The following WDR36 variants were observed in gnomAD, a reference collection of about 807,000 sequenced individuals.
WDR36 encodes WD repeat-containing protein 36.
WDR36 carries 63 observed loss-of-function variants against 112.7 expected under a neutral mutation model. The ratio of observed to expected loss-of-function variants is 0.56; its 90% CI spans 0.46 to 0.69. The LOEUF (loss-of-function observed/expected upper bound fraction) is 0.69. WDR36 is among the 30% of genes least tolerant of loss of function. The pLI, the probability that WDR36 is intolerant of heterozygous loss-of-function variation, is 0.00. For missense variants in WDR36, 1,226 were observed against 1,070.3 expected, an observed-to-expected ratio of 1.15 and a Z score of -2.03; for synonymous variants, 410 against 362.2, an observed-to-expected ratio of 1.13 and a Z score of -1.50.
At chr5:111,096,576 C>T (rs916968496) in intron 2 of WDR36, among the ~76,000 whole-genome samples, 10 of 151,964 alleles carry the variant, frequency 6.6e-5, no homozygotes, top group African/African-American at 9.7e-5. Flanking sequence ...TGGTGGTGCA[C>T]TCCTATAATC....
Position 111,097,093 on chromosome 5 carries a change from C to G in WDR36, c.205C>G (p.Gln69Glu). 2 of 1,613,128 alleles carry G rather than the reference C, an allele frequency of 1.2e-6. No homozygotes were observed. The highest frequency in any genetic ancestry group is 1.7e-6 in the Non-Finnish European group (2 of 1,179,334). ...TTTTCTGCTAGGTAATTCTGTTCCA[C>G]AGGATATCTGCTGTATGGCAGCTGA... ...SLVAVSNSVPQDICCMAADGR... is the reference protein window; with the variant it reads ...SLVAVSNSVPEDICCMAADGR... Residue 69 changes from glutamine (Q) to glutamate (E), a missense_variant, in exon 3 of 23, where the codon CAG (glutamine) becomes GAG (glutamate). By Grantham distance (29) the Gln-to-Glu change is conservative (BLOSUM62 2). Transcript: ENST00000513710.
chr5:111,096,153 G>C (rs1234868715), intron 2 of WDR36, among the ~76,000 whole-genome samples: 1 of 152,160 alleles, frequency 6.6e-6, no homozygotes, highest in African/African-American at 2.4e-5. Flanking sequence ...TGCCCCAAAA[G>C]AGGAAATGAA....
At chr5:111,110,370 A>T in intron 13 of WDR36, 67 bp downstream of exon 13, 1 of 1,311,544 alleles carries the variant, frequency 7.6e-7, no homozygotes, top group Non-Finnish European at 1.1e-6. Flanking sequence ...GAAAGCTGGT[A>T]TGTATAATCT....
At chr5:111,125,016 A>G (rs1753649471) in intron 21 of WDR36, among the ~76,000 whole-genome samples, 1 of 152,214 alleles carries the variant, frequency 6.6e-6, no homozygotes, top group African/African-American at 2.4e-5. Context: ...AAATAGCTGT[A>G]AGTGTACTGA....
In WDR36 at chr5:111,092,531, C is replaced by G. The variant is rs149994285; in HGVS notation, c.75C>G (p.Asn25Lys). The change falls in exon 1 of 23, where the codon AAC (asparagine) becomes AAG (lysine). Residue 25 changes from asparagine to lysine, a missense_variant. By Grantham distance (94) the Asn-to-Lys change is moderately conservative (BLOSUM62 0). Transcript: ENST00000513710. ...TCCGGGCCTTGGGACTTTTCAGCAA[C>G]GACATTCCACACGTGGTGCGGTTCA... The part of the protein sequence containing the change: ...AGFRALGLFS[N>K]DIPHVVRFSA... 23 of 1,614,108 alleles carry G rather than the reference C, an allele frequency of 1.4e-5. No individual in the cohort carries two copies. The highest frequency in any genetic ancestry group is 1.8e-5 in the Non-Finnish European group (21 of 1,180,050).
Position 111,104,797 on chromosome 5 carries a change from G to A in WDR36, c.1007G>A (p.Gly336Glu), listed in dbSNP as rs1369325962. 1 of 1,611,074 alleles carries A rather than the reference G, an allele frequency of 6.2e-7. No homozygotes were observed. Among genetic ancestry groups the A allele is most frequent in the Admixed American group, 1.7e-5 (1 of 59,854 alleles). ...AATATCAGATATTATGGACAGAATG[G>A]ACAGCAGATTCTAAGTGCAAGTGAG... Reference protein sequence around the residue: ...LTNIRYYGQNGQQILSASQDG... With the variant: ...LTNIRYYGQNEQQILSASQDG... Residue 336 changes from glycine (G) to glutamate (E), a missense_variant, in exon 9 of 23, where the codon GGA becomes GAA. By Grantham distance (98) the Gly-to-Glu change is moderately conservative. Coordinates refer to ENST00000513710, the MANE Select transcript of WDR36 (RefSeq NM_139281.3).
Position 111,104,066 on chromosome 5 carries a change from G to C in WDR36, c.731-111G>C, listed in dbSNP as rs370341035. On this transcript the variant is annotated intron_variant, in intron 7 of 22. Transcript: ENST00000513710. ...GGCAAAGAAATATGAATAGATTATT[G>C]GTATATAGTTTTTTTCTAACTTTAT... 1.4e-5 allele frequency: 19 copies of C among 1,372,900 alleles called. 1 individual carries two copies. Among genetic ancestry groups the C allele is most frequent in the East Asian group, 5.0e-5 (2 of 40,218 alleles). The allele number at this position is 1,372,900 out of a possible 1,614,324, so 85.0% of individuals were successfully genotyped here. A position where few individuals can be genotyped will look rare whatever the true frequency, so the allele number is the denominator to read the frequency against.
chr5:111,102,538 A>T, intron 6 of WDR36, 139 bp downstream of exon 6: 1 of 864,568 alleles, frequency 1.2e-6, no homozygotes, highest in Non-Finnish European at 1.9e-6. Context: ...AGCCTGAGGA[A>T]ATAGTGTTTT....
At chr5:111,108,971 G>A (rs1346083662) in intron 12 of WDR36, among the ~76,000 whole-genome samples, 3 of 151,068 alleles carry the variant, frequency 2.0e-5, no homozygotes, top group African/African-American at 4.8e-5. Context: ...GCAAAAATAC[G>A]TATAGAGAGC....
rs762833687 is a variant in WDR36, at chr5:111,113,067, T to C, written c.1717-7T>C. 3.2e-6 allele frequency: 4 copies of C among 1,234,006 alleles called. No individual in the cohort carries two copies. Among genetic ancestry groups the C allele is most frequent in the South Asian group, 4.4e-5 (2 of 45,482 alleles). 76.4% of individuals were successfully genotyped at this position (1,234,006 alleles called of 1,614,324 possible). A position where few individuals can be genotyped will look rare whatever the true frequency, so the allele number is the denominator to read the frequency against. On this transcript the variant is annotated splice_polypyrimidine_tract_variant and splice_region_variant and intron_variant, in intron 15 of 22. Transcript: ENST00000513710. ...ATATATATATATTTTTTTTTTTTAA[T>C]TTAAAGGCTTTTAGTCCTGATGGTC... is the stretch of plus-strand genomic sequence containing the variant.
chr5:111,104,265 A>T lies in WDR36; in HGVS notation c.819A>T (p.Arg273Ser). 3 of 1,612,130 alleles carry T rather than the reference A, an allele frequency of 1.9e-6. No homozygotes were observed. The highest frequency in any genetic ancestry group is 2.5e-6 in the Non-Finnish European group (3 of 1,178,594). ...LEDKKLINQM[R>S]NAHSTAIAGL... ...ACAAAAAATTAATCAACCAAATGAG[A>T]AATGCACACTCTACAGCAATTGCCG... is the stretch of plus-strand genomic sequence containing the variant. The change falls in exon 8 of 23, where the codon AGA becomes AGT. Residue 273 changes from arginine (R) to serine (S), a missense_variant. Transcript: ENST00000513710.
intron 16 of WDR36, among the ~76,000 whole-genome samples, chr5:111,114,561 C>G (rs1288848749): frequency 6.6e-6 from 1 of 152,156 alleles, no homozygotes; most frequent in Admixed American, 6.5e-5. Context: ...GGGTCCAGCT[C>G]TAATAATCAG....
Position 111,098,750 on chromosome 5 carries a change from C to T in WDR36, c.320C>T (p.Ala107Val), listed in dbSNP as rs62376783. The part of the protein sequence containing the change: ...EIVHTFKGHK[A>V]EIHFLQPFGD... ...GTACATACCTTTAAGGGTCATAAGG[C>T]AGAAATCCATTTCTTGCAACCCTTT... Residue 107 changes from alanine to valine, a missense_variant, in exon 4 of 23, where the codon GCA becomes GTA. Transcript: ENST00000513710. 10,012 of 1,611,056 alleles carry T rather than the reference C, an allele frequency of 6.2e-3. 42 individuals carry two copies. The highest frequency in any genetic ancestry group is 7.7e-3 in the Non-Finnish European group (9,094 of 1,177,478).
At chr5:111,118,742 C>T (rs1445976695) in intron 16 of WDR36, among the ~76,000 whole-genome samples, 1 of 152,060 alleles carries the variant, frequency 6.6e-6, no homozygotes, top group African/African-American at 2.4e-5. Flanking sequence ...CAGAAAATTT[C>T]CTCCTGTTTC....
chr5:111,123,575 C>G (rs779792055), intron 19 of WDR36, among the ~76,000 whole-genome samples: 2 of 152,178 alleles, frequency 1.3e-5, no homozygotes, highest in Admixed American at 6.5e-5. Context: ...TGTGCCCTGT[C>G]ACTTTTTTTC....
intron 5 of WDR36, 139 bp downstream of exon 5, chr5:111,100,860 GT>G: frequency 4.0e-6 from 3 of 749,220 alleles, no homozygotes; most frequent in Non-Finnish European, 6.3e-6. Context: ...TTGGTCCCCT[GT>G]ATCAGAGGAG....
chr5:111,110,735 A>C, intron 13 of WDR36, 53 bp from the exon 14 acceptor site: 1 of 1,569,254 alleles, frequency 6.4e-7, no homozygotes, highest in Non-Finnish European at 8.7e-7. Context: ...TATTGTTCAG[A>C]GAGAAACACT....
chr5:111,097,029 C>G, intron 2 of WDR36, 50 bp from the exon 3 acceptor site: 2 of 1,391,566 alleles, frequency 1.4e-6, no homozygotes, highest in South Asian at 1.2e-5. Context: ...TGAGGTTTCT[C>G]TTTAACATCT....
rs1008617146 is a variant in WDR36, at chr5:111,130,327, GA to G, written c.*3450del. On this transcript the variant is annotated 3_prime_UTR_variant, in exon 23 of 23. Transcript: ENST00000513710. ...CCATATGTTTTATTTGTGTTTGGTT[GA>G]AAAAAGTTTGCATATAAGTGAAACT... 5 of 190,130 alleles carry G rather than the reference GA, an allele frequency of 2.6e-5. No individual in the cohort carries two copies. The highest frequency in any genetic ancestry group is 6.1e-5 in the Admixed American group (1 of 16,262). The allele number at this position is 190,130 out of a possible 1,614,324, so 11.8% of individuals were successfully genotyped here. A position where few individuals can be genotyped will look rare whatever the true frequency, so the allele number is the denominator to read the frequency against.
Sources: gnomAD v4.1 joint callset for allele counts (sites outside exome capture counted in the v4.1 genomes callset) on GRCh38, gnomAD v4.1.1 for gene constraint, MANE v1.5 for transcripts, NCBI Gene and HGNC (gene_info 2026-07-23, HGNC 2026-07-21) for gene names.